FAM135B: variants seen among roughly 807,000 people sequenced by gnomAD.
FAM135B encodes the protein protein FAM135B.
FAM135B carries 43 observed loss-of-function variants against 127.7 expected under a neutral mutation model. The observed-to-expected ratio is 0.34, with a 90% confidence interval of 0.26 to 0.43. The LOEUF (loss-of-function observed/expected upper bound fraction) is 0.43, where lower values mean the gene tolerates loss of function less well. FAM135B is among the 20% of genes least tolerant of loss of function. The pLI, the probability that FAM135B is intolerant of heterozygous loss-of-function variation, is 1.00. For synonymous variants in FAM135B, 670 were observed against 665.1 expected (o/e 1.01, Z -0.11); for missense variants, 1,558 against 1,725.6 (o/e 0.90, Z 1.72).
intron 3 of FAM135B, among the ~76,000 whole-genome samples, chr8:138,291,590 T>G (rs919156217): frequency 2.6e-5 from 4 of 152,150 alleles, no homozygotes; most frequent in Non-Finnish European, 5.9e-5. Context: ...AAGGATCATA[T>G]GTCATAATCA....
intron 1 of FAM135B, among the ~76,000 whole-genome samples, chr8:138,405,658 G>C (rs1227390455): frequency 6.6e-6 from 1 of 152,076 alleles, no homozygotes; most frequent in Non-Finnish European, 1.5e-5. Context: ...ATTGTGAATA[G>C]TGCCACAATA....
intron 3 of FAM135B, among the ~76,000 whole-genome samples, chr8:138,281,497 T>C (rs955367427): frequency 6.6e-6 from 1 of 152,030 alleles, no homozygotes; most frequent in Non-Finnish European, 1.5e-5. Flanking sequence ...AGGTAAATAG[T>C]GTCCTACATG....
intron 1 of FAM135B, among the ~76,000 whole-genome samples, chr8:138,493,813 G>C (rs560632613): frequency 6.6e-6 from 1 of 152,290 alleles, no homozygotes; most frequent in South Asian, 2.1e-4. Flanking sequence ...CGACATCCCT[G>C]TGAGATGGGT....
At chr8:138,224,626 A>C (rs1364314273) in intron 7 of FAM135B, among the ~76,000 whole-genome samples, 1 of 152,180 alleles carries the variant, frequency 6.6e-6, no homozygotes, top group African/African-American at 2.4e-5. Flanking sequence ...AAACAGTTAA[A>C]ATACAACTAT....
At chr8:138,287,811 C>T (rs550986519) in intron 3 of FAM135B, among the ~76,000 whole-genome samples, 6 of 152,274 alleles carry the variant, frequency 3.9e-5, no homozygotes, top group South Asian at 2.1e-4. Flanking sequence ...GTAGTACATA[C>T]GGACAGACTG....
At chr8:138,409,220 T>C (rs1833711546) in intron 1 of FAM135B, among the ~76,000 whole-genome samples, 1 of 152,106 alleles carries the variant, frequency 6.6e-6, no homozygotes, top group African/African-American at 2.4e-5. Context: ...TTCAGTATTG[T>C]TGTGTCTCCA....
chr8:138,249,770 A>G (rs1376337801), intron 6 of FAM135B, among the ~76,000 whole-genome samples: 1 of 152,202 alleles, frequency 6.6e-6, no homozygotes, highest in East Asian at 1.9e-4. Flanking sequence ...CTGAGAAGCC[A>G]TTCAGAAAAG....
intron 14 of FAM135B, 34 bp from the exon 15 acceptor site, chr8:138,146,084 G>A (rs375736564): frequency 1.0e-4 from 110 of 1,070,076 alleles, no homozygotes; most frequent in African/African-American, 1.0e-3. Context: ...TCCCAGTCCC[G>A]TAGTTAGTCA....
At chr8:138,391,546 C>A (rs190001342) in intron 1 of FAM135B, among the ~76,000 whole-genome samples, 73 of 152,226 alleles carry the variant, frequency 4.8e-4, no homozygotes, top group African/African-American at 1.7e-3. Flanking sequence ...CTGCAAGCAC[C>A]TACTTCTCCC....
intron 7 of FAM135B, among the ~76,000 whole-genome samples, chr8:138,236,541 G>A (rs1043300033): frequency 7.9e-5 from 12 of 152,086 alleles, no homozygotes; most frequent in African/African-American, 2.9e-4. Flanking sequence ...ATGAGGAGAT[G>A]GCATCAGGCT....
At chr8:138,452,277 C>T (rs890940014) in intron 1 of FAM135B, among the ~76,000 whole-genome samples, 12 of 151,862 alleles carry the variant, frequency 7.9e-5, no homozygotes, top group Admixed American at 5.3e-4. Context: ...TGTTCCACCA[C>T]ACCTGGCTAA....
In FAM135B at chr8:138,176,237, G is replaced by T. The variant is rs182266477; in HGVS notation, c.1103+1110C>A. Among the ~76,000 whole-genome samples, 5 of 152,348 alleles carry T rather than the reference G, an allele frequency of 3.3e-5. No individual in the cohort carries two copies. The East Asian group carries it at 9.6e-4, about 29-fold the overall frequency. On this transcript the variant is annotated intron_variant, in intron 11 of 19. Coordinates refer to ENST00000395297, the MANE Select transcript of FAM135B (RefSeq NM_015912.4). Reference sequence around the variant, plus strand: ...TGTCTCCTCTGTGTGTGCTCACACTGCTTGAGAATGCAACCATGGCTCCAC... The same window carrying T: ...TGTCTCCTCTGTGTGTGCTCACACTTCTTGAGAATGCAACCATGGCTCCAC...
At chr8:138,442,237 C>CATATATATATATATATATATATAT (rs759993575) in intron 1 of FAM135B, among the ~76,000 whole-genome samples, 1 of 51,898 alleles carries the variant, frequency 1.9e-5, no homozygotes, top group African/African-American at 1.0e-4. Flanking sequence ...ATATGGACAC[C>CATATATATATATATATATATATAT]ATATATATAT....
intron 12 of FAM135B, among the ~76,000 whole-genome samples, chr8:138,159,794 C>T (rs1819180584): frequency 6.6e-6 from 1 of 152,048 alleles, no homozygotes; most frequent in Non-Finnish European, 1.5e-5. Context: ...ATTCCTAATT[C>T]CTAAGAGATA....
intron 2 of FAM135B, among the ~76,000 whole-genome samples, chr8:138,348,775 G>C (rs1829587886): frequency 6.6e-6 from 1 of 152,220 alleles, no homozygotes; most frequent in Admixed American, 6.5e-5. Flanking sequence ...GAAACCATTT[G>C]TGATCACAAA....
chr8:138,373,601 A>G (rs1266123244), intron 1 of FAM135B, among the ~76,000 whole-genome samples: 1 of 152,002 alleles, frequency 6.6e-6, no homozygotes, highest in East Asian at 1.9e-4. Context: ...AACTCTGACC[A>G]CTGGTGAGCT....
Position 138,167,976 on chromosome 8 carries a change from C to T in FAM135B, c.1177G>A (p.Ala393Thr), listed in dbSNP as rs1820096578. ...TCGCCGTCGATGTCCAGGCACTCTG[C>T]AGGCAGCGGGGGCATGCTAGTGAGG... ...EYLTSMPPLP[A>T]ECLDIDGDWN... The change falls in exon 12 of 20, where the codon GCA (alanine) becomes ACA (threonine). Residue 393 changes from alanine (A) to threonine (T), a missense_variant. By Grantham distance (58) the Ala-to-Thr change is moderately conservative. Around this residue, in one of 5 missense-constraint regions of FAM135B, gnomAD observed 115 missense variants for 171.1 expected, o/e 0.67. Transcript: ENST00000395297. 1 of 1,613,878 alleles carries T rather than the reference C, an allele frequency of 6.2e-7. No individual in the cohort carries two copies. The highest frequency in any genetic ancestry group is 8.5e-7 in the Non-Finnish European group (1 of 1,179,942).
At chr8:138,267,951 C>T (rs770698410) in intron 3 of FAM135B, among the ~76,000 whole-genome samples, 2 of 152,218 alleles carry the variant, frequency 1.3e-5, no homozygotes, top group Non-Finnish European at 2.9e-5. Flanking sequence ...TTCTCTATCA[C>T]TGTCTAGGCC....
At chr8:138,201,132 C>T (rs1393738009) in intron 7 of FAM135B, among the ~76,000 whole-genome samples, 1 of 152,176 alleles carries the variant, frequency 6.6e-6, no homozygotes, top group African/African-American at 2.4e-5. Context: ...TTAACAAAGG[C>T]ACCAAATACA....
Sources: allele counts gnomAD v4.1 joint callset (sites outside exome capture counted in the v4.1 genomes callset), GRCh38; gene constraint gnomAD v4.1.1; regional missense constraint gnomAD v4.1.1; transcripts MANE v1.5; gene names NCBI Gene and HGNC (gene_info 2026-07-23, HGNC 2026-07-21).